PTPRS: variants seen among roughly 807,000 people sequenced by gnomAD.
The protein encoded by PTPRS is receptor-type tyrosine-protein phosphatase S.
Under a neutral mutation model 215.3 loss-of-function variants are expected in PTPRS, and 63 were observed. The observed-to-expected ratio is 0.29, with a 90% confidence interval of 0.24 to 0.36. The LOEUF is 0.36. Ranked by LOEUF, PTPRS falls within the 10% of genes least tolerant of loss-of-function variation. The pLI is 1.00. For synonymous variants in PTPRS, 1,404 were observed against 1,191.4 expected, an observed-to-expected ratio of 1.18 and a Z score of -3.68; for missense variants, 2,258 against 2,825.8, an observed-to-expected ratio of 0.80 and a Z score of 4.56.
At chr19:5,314,302 G>A (rs934318085) in intron 1 of PTPRS, among the ~76,000 whole-genome samples, 2 of 152,152 alleles carry the variant, frequency 1.3e-5, no homozygotes, top group Non-Finnish European at 2.9e-5. Flanking sequence ...TGAGCAGCAC[G>A]AACTTTGGAT....
chr19:5,225,770 A>G lies in PTPRS; in HGVS notation c.2451T>C (p.Asp817=). Residue 817 remains aspartate, a synonymous_variant, in exon 17 of 38, where the codon GAT becomes GAC. Coordinates refer to ENST00000262963, the MANE Select transcript of PTPRS (RefSeq NM_002850.4). ...ITVAAYTMKG[D]GARSKPKVVV... ...CCACCTTGGGTTTGCTGCGAGCGCCATCGCCCTTCATGGTGTAGGCGGCTA... is the reference window on the plus strand; with the variant it reads ...CCACCTTGGGTTTGCTGCGAGCGCCGTCGCCCTTCATGGTGTAGGCGGCTA... 1 of 1,614,040 alleles carries G rather than the reference A, an allele frequency of 6.2e-7. No individual in the cohort carries two copies. Among genetic ancestry groups the G allele is most frequent in the East Asian group, 2.2e-5 (1 of 44,864 alleles).
Position 5,339,867 on chromosome 19 carries a change from G to A in PTPRS, c.-95+797C>T, listed in dbSNP as rs7257733. 0.11 allele frequency among the ~76,000 whole-genome samples: 16,941 copies of A among 151,402 alleles called. 995 individuals are homozygous for A. The highest frequency in any genetic ancestry group is 0.21 in the East Asian group (1,031 of 4,984). On this transcript the variant is annotated intron_variant, in intron 1 of 37. Coordinates refer to ENST00000262963, the MANE Select transcript of PTPRS (RefSeq NM_002850.4). This position sits in a 1 kb window ranked among gnomAD's most constrained non-coding sequence, Gnocchi z 4.2. ...ATCCCCACGGGGCCCCCAGCGCGGA[G>A]GGGAGACTGGGGTGCTGGGCGTGCG...
chr19:5,302,159 C>A (rs1204032802), intron 1 of PTPRS, among the ~76,000 whole-genome samples: 1 of 151,980 alleles, frequency 6.6e-6, no homozygotes, highest in East Asian at 1.9e-4. Flanking sequence ...TGAGCCAGAA[C>A]TTAAGATCAA....
chr19:5,260,834 G>C lies in PTPRS; in HGVS notation c.578-12C>G, dbSNP rs1226257943. Reference sequence around the variant, plus strand: ...AATCGGAGTGCTTTCTGTAAGGGAAGCAGAGAGAACCAGGTGAATGTCACA... The same window carrying C: ...AATCGGAGTGCTTTCTGTAAGGGAACCAGAGAGAACCAGGTGAATGTCACA... On this transcript the variant is annotated splice_polypyrimidine_tract_variant and intron_variant, in intron 6 of 37. Transcript: ENST00000262963. The C allele has an allele frequency of 6.2e-7, 1 of 1,613,204 alleles. No homozygotes were observed. The highest frequency in any genetic ancestry group is 1.1e-5 in the South Asian group (1 of 91,008).
chr19:5,214,994 C>G (rs901856538), intron 28 of PTPRS, among the ~76,000 whole-genome samples: 1 of 152,276 alleles, frequency 6.6e-6, no homozygotes, highest in East Asian at 1.9e-4. Context: ...ACGCCAGCAA[C>G]ATTTCTTCCC....
At chr19:5,274,379 T>A in intron 2 of PTPRS, 35 bp from the exon 3 acceptor site, 2 of 1,598,946 alleles carry the variant, frequency 1.3e-6, no homozygotes, top group Non-Finnish European at 1.7e-6. Flanking sequence ...GGGGCGCTGA[T>A]GGGTCCAGGC....
intron 2 of PTPRS, among the ~76,000 whole-genome samples, chr19:5,282,502 A>G (rs1269367634): frequency 6.6e-6 from 1 of 152,126 alleles, no homozygotes; most frequent in Non-Finnish European, 1.5e-5. Flanking sequence ...GGAGCAAAAC[A>G]GGCTCAGAAA....
chr19:5,285,882 G>A (rs1191547922), intron 2 of PTPRS, among the ~76,000 whole-genome samples, 168 bp downstream of exon 2: 1 of 152,202 alleles, frequency 6.6e-6, no homozygotes, highest in African/African-American at 2.4e-5. Context: ...TTAGGGCTCA[G>A]CACACAGTCC....
chr19:5,318,853 C>T (rs2049949581), intron 1 of PTPRS, among the ~76,000 whole-genome samples: 1 of 152,164 alleles, frequency 6.6e-6, no homozygotes, highest in Admixed American at 6.5e-5. Flanking sequence ...CTGGCCTAGG[C>T]TGTCAGGGTG....
chr19:5,222,983 C>T lies in PTPRS; in HGVS notation c.2809G>A (p.Ala937Thr). Residue 937 changes from alanine (A) to threonine (T), a missense_variant, in exon 18 of 38, where the codon GCG becomes ACG. By Grantham distance (58) the Ala-to-Thr change is moderately conservative. This residue lies in a region of PTPRS where 361 missense variants were observed against 332.6 expected (regional missense o/e 1.09). Transcript: ENST00000262963. The part of the protein sequence containing the change: ...TPRGHPQILE[A>T]AGNASAGTVL... ...GTCCCGGCCGAGGCGTTGCCGGCCG[C>T]CTCCAGAATCTGCGGGTGGCCACGG... 2 of 1,541,434 alleles carry T rather than the reference C, an allele frequency of 1.3e-6. No homozygotes were observed. Among genetic ancestry groups the T allele is most frequent in the Non-Finnish European group, 1.7e-6 (2 of 1,147,356 alleles).
At chr19:5,326,145 C>T (rs1038743310) in intron 1 of PTPRS, among the ~76,000 whole-genome samples, 5 of 152,190 alleles carry the variant, frequency 3.3e-5, no homozygotes, top group Admixed American at 6.5e-5. Flanking sequence ...GCAGGAGAAT[C>T]GCTTGAACCC....
Position 5,336,712 on chromosome 19 carries a change from A to C in PTPRS, c.-95+3952T>G, listed in dbSNP as rs191265095. Among the ~76,000 whole-genome samples the C allele has an allele frequency of 1.8e-4, 27 of 151,084 alleles. No individual in the cohort carries two copies. In the East Asian group the frequency reaches 5.3e-3, roughly 30 times the overall value. On this transcript the variant is annotated intron_variant, in intron 1 of 37. Transcript: ENST00000262963. ...GCTTGCCACACGAATCCTGCGAGGA[A>C]CAGCAGTTATGTCTTAATCTCCTCT...
chr19:5,331,009 C>T (rs991891064), intron 1 of PTPRS, among the ~76,000 whole-genome samples: 24 of 151,962 alleles, frequency 1.6e-4, no homozygotes, highest in African/African-American at 5.3e-4. Context: ...GCAATCTAAG[C>T]GTTCTGGCCC....
Position 5,320,361 on chromosome 19 carries a change from T to C in PTPRS, c.-95+20303A>G, listed in dbSNP as rs140683634. 1.2e-3 allele frequency among the ~76,000 whole-genome samples: 190 copies of C among 152,322 alleles called. 1 individual carries two copies. The highest frequency in any genetic ancestry group is 4.3e-3 in the African/African-American group (178 of 41,580). ...ACAGGCTGACACAAGCACCATCCAC[T>C]TGGCTTATCCGGCTCCCGGGAAGTG... On this transcript the variant is annotated intron_variant, in intron 1 of 37. Coordinates refer to ENST00000262963, the MANE Select transcript of PTPRS (RefSeq NM_002850.4).
chr19:5,284,376 A>AAATAAAT (rs2048147818), intron 2 of PTPRS, among the ~76,000 whole-genome samples: 105 of 119,584 alleles, frequency 8.8e-4, no homozygotes, highest in African/African-American at 2.6e-3. Context: ...TTAATTAATT[A>AAATAAAT]AAATAAATAA....
chr19:5,315,350 G>GCTTTTTTTTTTTTTTT lies in PTPRS; in HGVS notation c.-95+25313_-95+25314insAAAAAAAAAAAAAAAG, dbSNP rs2049835558. On this transcript the variant is annotated intron_variant, in intron 1 of 37. Coordinates refer to ENST00000262963, the MANE Select transcript of PTPRS (RefSeq NM_002850.4). Reference sequence around the variant, plus strand: ...TCATGGAGAATTTTTATTTGAAAAGGGTTTTTTTTTTTTTTTTTTTTTTTT... The same window carrying GCTTTTTTTTTTTTTTT: ...TCATGGAGAATTTTTATTTGAAAAGGCTTTTTTTTTTTTTTTGTTTTTTTTTTTTTTTTTTTTTTTT... Among the ~76,000 whole-genome samples, 58 of 101,284 alleles carry GCTTTTTTTTTTTTTTT rather than the reference G, an allele frequency of 5.7e-4. 19 individuals are homozygous for GCTTTTTTTTTTTTTTT. Among genetic ancestry groups the GCTTTTTTTTTTTTTTT allele is most frequent in the Non-Finnish European group, 7.8e-4 (41 of 52,770 alleles). The allele number at this position is 101,284 out of a possible 152,430, so 66.4% of individuals were successfully genotyped here.
intron 9 of PTPRS, among the ~76,000 whole-genome samples, chr19:5,246,561 G>A (rs1363330542): frequency 2.0e-5 from 3 of 152,202 alleles, no homozygotes. Context: ...GATTCTGGCT[G>A]CCAAGTTTCG....
At position 5,339,789 on chromosome 19, in the gene PTPRS, C is replaced by T. The variant is rs2050629110; in HGVS notation, c.-95+875G>A. Among the ~76,000 whole-genome samples, 1 of 151,678 alleles carries T rather than the reference C, an allele frequency of 6.6e-6. No homozygotes were observed. Among genetic ancestry groups the T allele is most frequent in the Admixed American group, 6.5e-5 (1 of 15,276 alleles). Reference sequence around the variant, plus strand: ...CCGCAGCCCCCGGGGGCTCCCGGGGCGTGCGGAACCCGCGGGGCTGGCGGT... The same window carrying T: ...CCGCAGCCCCCGGGGGCTCCCGGGGTGTGCGGAACCCGCGGGGCTGGCGGT... On this transcript the variant is annotated intron_variant, in intron 1 of 37. Coordinates refer to ENST00000262963, the MANE Select transcript of PTPRS (RefSeq NM_002850.4). This position sits in a 1 kb window ranked among gnomAD's most constrained non-coding sequence, Gnocchi z 4.2.
In PTPRS at chr19:5,294,852, C is replaced by G. The variant is rs914747647; in HGVS notation, c.-94-8618G>C. Among the ~76,000 whole-genome samples the G allele has an allele frequency of 2.0e-5, 3 of 152,192 alleles. No individual in the cohort carries two copies. The highest frequency in any genetic ancestry group is 6.5e-5 in the Admixed American group (1 of 15,284). ...CTGCCTGCCCCTTTGACACAGAGCACACAGGAGGTGCTAAACACAGGATGC... is the reference window on the plus strand; with the variant it reads ...CTGCCTGCCCCTTTGACACAGAGCAGACAGGAGGTGCTAAACACAGGATGC... On this transcript the variant is annotated intron_variant, in intron 1 of 37. Coordinates refer to ENST00000262963, the MANE Select transcript of PTPRS (RefSeq NM_002850.4). This position sits in a 1 kb window ranked among gnomAD's most constrained non-coding sequence, Gnocchi z 5.1.
Sources: gnomAD v4.1 joint callset for allele counts (sites outside exome capture counted in the v4.1 genomes callset) on GRCh38, gnomAD v4.1.1 for gene constraint, gnomAD v4.1.1 regional missense constraint, Gnocchi (gnomAD v3.1) non-coding constraint, MANE v1.5 for transcripts, NCBI Gene and HGNC (gene_info 2026-07-23, HGNC 2026-07-21) for gene names.